TSNARE1: variants seen among roughly 807,000 people sequenced by gnomAD.
TSNARE1 encodes the protein t-SNARE domain-containing protein 1.
TSNARE1 carries 49 observed loss-of-function variants against 62.0 expected under a neutral mutation model. The observed-to-expected ratio is 0.79, with a 90% CI of 0.63 to 1.00. TSNARE1 has a LOEUF of 1.00. TSNARE1 is among the 50% of genes least tolerant of loss of function. TSNARE1 has a pLI of 0.00. For missense variants in TSNARE1, 755 were observed against 700.1 expected (o/e 1.08, Z -0.88); for synonymous variants, 328 against 294.4 (o/e 1.11, Z -1.17).
At chr8:142,250,308 G>A (rs914936463) in intron 12 of TSNARE1, among the ~76,000 whole-genome samples, 7 of 152,132 alleles carry the variant, frequency 4.6e-5, no homozygotes, top group Non-Finnish European at 7.4e-5. Flanking sequence ...TAAAAATGGC[G>A]CTCTAATGAG....
rs769403552 is a variant in TSNARE1, at chr8:142,300,507, C to T, written c.1269G>A (p.Glu423=). The T allele has an allele frequency of 6.2e-7, 1 of 1,606,922 alleles. No homozygotes were observed. Among genetic ancestry groups the T allele is most frequent in the Non-Finnish European group, 8.5e-7 (1 of 1,179,332 alleles). Residue 423 remains glutamate, a synonymous_variant, in exon 10 of 14, where the codon GAG becomes GAA. Transcript: ENST00000524325. ...TCACCTCCATCTGCAGGATGGCCTC[C>T]TCCCGCAGCCGGATGGCCTCCAGGT... ...EEDLEAIRLR[E]EAILQMESNL...
chr8:142,268,083 TCTC>T (rs1454007697), intron 12 of TSNARE1, among the ~76,000 whole-genome samples: 2 of 152,166 alleles, frequency 1.3e-5, no homozygotes, highest in Non-Finnish European at 2.9e-5. Context: ...CCCTCCTGGT[TCTC>T]CTTTCATCCA....
In TSNARE1 at chr8:142,390,632, GC is replaced by G. The variant is rs1837439143; in HGVS notation, c.-40+12471del. Among the ~76,000 whole-genome samples, 2 of 22,184 alleles carry G rather than the reference GC, an allele frequency of 9.0e-5. 1 individual carries two copies. The highest frequency in any genetic ancestry group is 8.8e-4 in the African/African-American group (2 of 2,272). The allele number at this position is 22,184 out of a possible 152,430, so 14.6% of individuals were successfully genotyped here. On this transcript the variant is annotated intron_variant, in intron 1 of 13. Transcript: ENST00000524325. ...GACTCCATAGCAGACGCTGTACACTGCGGGGGACTCTGTAACAGAAGCTGTA... is the reference window on the plus strand; with the variant it reads ...GACTCCATAGCAGACGCTGTACACTGGGGGGACTCTGTAACAGAAGCTGTA...
intron 10 of TSNARE1, among the ~76,000 whole-genome samples, chr8:142,289,784 G>A (rs141756826): frequency 1.2e-3 from 176 of 152,310 alleles, no homozygotes; most frequent in East Asian, 5.0e-3. Context: ...ATTCTCCTTC[G>A]TCCTGGCCCA....
At chr8:142,289,424 C>T (rs1823375871) in intron 10 of TSNARE1, among the ~76,000 whole-genome samples, 2 of 152,214 alleles carry the variant, frequency 1.3e-5, no homozygotes, top group Non-Finnish European at 2.9e-5. Context: ...CAGCCTGAGG[C>T]TGGAGGCCAG....
At position 142,266,913 on chromosome 8, in the gene TSNARE1, G is replaced by C. The variant is rs115346774; in HGVS notation, c.1446+7868C>G. On this transcript the variant is annotated intron_variant, in intron 12 of 13. Coordinates refer to ENST00000524325, the MANE Select transcript of TSNARE1 (RefSeq NM_145003.5). ...CAACATTATTTCTTTAGAAATCTTC[G>C]AGTTTGCTATTACTAACTTCATCTA... Among the ~76,000 whole-genome samples, 178 of 152,110 alleles carry C rather than the reference G, an allele frequency of 1.2e-3. 1 individual carries two copies. The highest frequency in any genetic ancestry group is 4.1e-3 in the African/African-American group (171 of 41,488).
At position 142,345,817 on chromosome 8, in the gene TSNARE1, C is replaced by T. The variant is rs33970858; in HGVS notation, c.164G>A (p.Arg55His). 72 of 1,613,758 alleles carry T rather than the reference C, an allele frequency of 4.5e-5. 1 individual carries two copies. In the East Asian group the frequency reaches 5.1e-4, roughly 11 times the overall value. ...CPSPESKLQN[R>H]CVGKDGEGDL... is the part of the protein sequence containing the mutation. ...ACCTTCCCCGTCCTTCCCCACACAG[C>T]GGTTCTGCAGCTTGCTCTCTGGCGA... The change falls in exon 3 of 14, where the codon CGC becomes CAC. Residue 55 changes from arginine (R) to histidine (H), a missense_variant. Arg to His is a conservative substitution (Grantham distance 29). Coordinates refer to ENST00000524325, the MANE Select transcript of TSNARE1 (RefSeq NM_145003.5).
chr8:142,314,539 G>T, intron 8 of TSNARE1, 99 bp from the exon 9 acceptor site: 1 of 1,033,620 alleles, frequency 9.7e-7, no homozygotes, highest in Non-Finnish European at 1.4e-6. Flanking sequence ...GGACGACGGT[G>T]CAGCAAAACA....
intron 1 of TSNARE1, among the ~76,000 whole-genome samples, chr8:142,389,740 C>CAT (rs1314448467): frequency 6.6e-6 from 1 of 152,174 alleles, no homozygotes; most frequent in Non-Finnish European, 1.5e-5. Flanking sequence ...AGGAATGTGT[C>CAT]ATATCATGAC....
intron 6 of TSNARE1, among the ~76,000 whole-genome samples, chr8:142,329,205 A>G (rs1830672787): frequency 6.6e-6 from 1 of 152,240 alleles, no homozygotes; most frequent in African/African-American, 2.4e-5. Flanking sequence ...GGCTAGACCC[A>G]CAGCTGGCCA....
At chr8:142,352,465 G>A (rs776532050) in intron 2 of TSNARE1, among the ~76,000 whole-genome samples, 9 of 152,244 alleles carry the variant, frequency 5.9e-5, no homozygotes, top group East Asian at 1.9e-4. Flanking sequence ...GGAACGCCAC[G>A]CCCCGTGTAC....
At chr8:142,290,192 G>A (rs1194875495) in intron 10 of TSNARE1, among the ~76,000 whole-genome samples, 2 of 152,128 alleles carry the variant, frequency 1.3e-5, no homozygotes, top group Middle Eastern at 3.2e-3. Context: ...GCGACAGAGA[G>A]GCCAAGGCCA....
chr8:142,317,965 CA>C (rs536332479), intron 7 of TSNARE1, among the ~76,000 whole-genome samples: 34 of 151,104 alleles, frequency 2.3e-4, no homozygotes, highest in Non-Finnish European at 4.6e-4. Flanking sequence ...CTCAAAAACA[CA>C]AAAAAAAATT....
At position 142,250,498 on chromosome 8, in the gene TSNARE1, C is replaced by T. The variant is rs375982330; in HGVS notation, c.1447-20919G>A. ...CAGCGTCGCGGGCTCCTTGGTGAGG[C>T]GGACACTCACCCGCCAGTGAAGGCA... On this transcript the variant is annotated intron_variant, in intron 12 of 13. Transcript: ENST00000524325. 9.2e-5 allele frequency among the ~76,000 whole-genome samples: 14 copies of T among 152,270 alleles called. No individual in the cohort carries two copies. In the East Asian group the frequency reaches 2.1e-3, roughly 23 times the overall value.
rs1230581120 is a variant in TSNARE1 at position 142,319,061 on chromosome 8, G to A, written c.894-427C>T. On this transcript the variant is annotated intron_variant, in intron 6 of 13. Coordinates refer to ENST00000524325, the MANE Select transcript of TSNARE1 (RefSeq NM_145003.5). The surrounding 1 kb of genome is among the most constrained non-coding windows in gnomAD (Gnocchi z 4.9). ...GGGGGCAGAAAGGCAGGCAGAGAGA[G>A]ACGGCGCAGGTAAGCTCTGGCTGGG... 6.6e-6 allele frequency among the ~76,000 whole-genome samples: 1 copy of A among 151,974 alleles called. No individual in the cohort carries two copies. The highest frequency in any genetic ancestry group is 1.5e-5 in the Non-Finnish European group (1 of 67,984).
intron 12 of TSNARE1, among the ~76,000 whole-genome samples, chr8:142,269,296 G>A (rs1029976714): frequency 6.6e-6 from 1 of 152,208 alleles, no homozygotes; most frequent in Non-Finnish European, 1.5e-5. Flanking sequence ...CTGGGGTCAG[G>A]ACATAGTGCA....
intron 12 of TSNARE1, among the ~76,000 whole-genome samples, chr8:142,268,923 T>C (rs2130456780): frequency 6.6e-6 from 1 of 152,388 alleles, no homozygotes; most frequent in East Asian, 1.9e-4. Context: ...GACGCCTATC[T>C]ACTCTAAGAC....
At chr8:142,228,882 C>T (rs1016767951) in intron 13 of TSNARE1, among the ~76,000 whole-genome samples, 16 of 149,788 alleles carry the variant, frequency 1.1e-4, no homozygotes, top group South Asian at 2.1e-4. Context: ...GGATAATGGA[C>T]GAACAGATGG....
intron 1 of TSNARE1, among the ~76,000 whole-genome samples, chr8:142,398,608 G>A (rs1838068126): frequency 6.6e-6 from 1 of 152,112 alleles, no homozygotes; most frequent in African/African-American, 2.4e-5. Context: ...GCTCTGTAAG[G>A]TGCACAGCAG....
Sources: allele counts gnomAD v4.1 joint callset (sites outside exome capture counted in the v4.1 genomes callset), GRCh38; gene constraint gnomAD v4.1.1; non-coding constraint Gnocchi (gnomAD v3.1); transcripts MANE v1.5; gene names NCBI Gene and HGNC (gene_info 2026-07-23, HGNC 2026-07-21).